SLC24A2: variants seen among roughly 807,000 people sequenced by gnomAD.
The protein encoded by SLC24A2 is solute carrier family 24 member 2.
A neutral mutation model predicts 62.0 loss-of-function variants in SLC24A2; 36 were observed. The ratio of observed to expected loss-of-function variants is 0.58; its 90% CI spans 0.44 to 0.77. The LOEUF (loss-of-function observed/expected upper bound fraction) is 0.77, where lower values mean the gene tolerates loss of function less well. Ranked by LOEUF, SLC24A2 falls within the 30% of genes least tolerant of loss-of-function variation. The pLI, the probability that SLC24A2 is intolerant of heterozygous loss-of-function variation, is 0.00. For missense variants in SLC24A2, 846 were observed against 817.9 expected, an observed-to-expected ratio of 1.03 and a Z score of -0.42; for synonymous variants, 358 against 294.0, an observed-to-expected ratio of 1.22 and a Z score of -2.23.
chr9:19,572,744 T>C (rs1230006219), intron 7 of SLC24A2, among the ~76,000 whole-genome samples: 8 of 152,200 alleles, frequency 5.3e-5, no homozygotes, highest in Non-Finnish European at 2.9e-5. Context: ...TGGCAAATAG[T>C]AGGTGTTTGA....
chr9:20,068,050 T>TTTG, the SLC24A2 span, among the ~76,000 whole-genome samples: 1 of 150,740 alleles, frequency 6.6e-6, no homozygotes, highest in South Asian at 2.1e-4. Flanking sequence ...TCTGTTATTT[T>TTTG]TTGACTCTTT....
At chr9:20,288,862 G>A in the SLC24A2 span, among the ~76,000 whole-genome samples, 2 of 152,042 alleles carry the variant, frequency 1.3e-5, no homozygotes, top group African/African-American at 4.8e-5. Flanking sequence ...GTACAGTTCA[G>A]CTGCCATGTT....
chr9:19,757,119 T>C (rs1822167160), intron 2 of SLC24A2, among the ~76,000 whole-genome samples: 1 of 151,854 alleles, frequency 6.6e-6, no homozygotes, highest in African/African-American at 2.4e-5. Flanking sequence ...AATTCTGGAG[T>C]CAATTCATTC....
the SLC24A2 span, among the ~76,000 whole-genome samples, chr9:20,071,315 T>C: frequency 0.018 from 2,791 of 152,288 alleles, 80 homozygotes; most frequent in African/African-American, 0.064. Flanking sequence ...ATATTGGAGT[T>C]CCATTCATTA....
the SLC24A2 span, among the ~76,000 whole-genome samples, chr9:20,194,714 T>A: frequency 6.6e-6 from 1 of 152,160 alleles, no homozygotes; most frequent in African/African-American, 2.4e-5. Context: ...CACAGTATTT[T>A]TTTTCACATC....
chr9:19,835,052 C>A, the SLC24A2 span, among the ~76,000 whole-genome samples: 1 of 152,070 alleles, frequency 6.6e-6, no homozygotes, highest in Admixed American at 6.5e-5. Context: ...ACCAGGCCTG[C>A]CCTAAAAGAG....
At chr9:19,707,652 A>G (rs1820573763) in intron 2 of SLC24A2, among the ~76,000 whole-genome samples, 1 of 152,212 alleles carries the variant, frequency 6.6e-6, no homozygotes, top group Admixed American at 6.5e-5. Context: ...AAAGACAAAA[A>G]CCACATGATT....
the SLC24A2 span, among the ~76,000 whole-genome samples, chr9:20,263,068 G>A: frequency 6.6e-6 from 1 of 152,152 alleles, no homozygotes; most frequent in East Asian, 1.9e-4. Context: ...CAATCCACTG[G>A]AGCCTGCACC....
the SLC24A2 span, among the ~76,000 whole-genome samples, chr9:20,129,808 T>A: frequency 6.6e-6 from 1 of 151,766 alleles, no homozygotes. Context: ...GCTTGAAGAG[T>A]GAAAGGCTTC....
At chr9:20,292,527 G>A in the SLC24A2 span, among the ~76,000 whole-genome samples, 1,119 of 152,266 alleles carry the variant, frequency 7.3e-3, 12 homozygotes, top group African/African-American at 0.025. Flanking sequence ...CTGTATTGAC[G>A]TGCTGGGGCT....
chr9:19,535,265 T>C (rs571921839), intron 8 of SLC24A2, among the ~76,000 whole-genome samples: 3 of 152,298 alleles, frequency 2.0e-5, no homozygotes, highest in Admixed American at 1.3e-4. Flanking sequence ...GTTTGTCAGA[T>C]GGATAGATTG....
At chr9:20,143,363 A>G in the SLC24A2 span, among the ~76,000 whole-genome samples, 1 of 152,190 alleles carries the variant, frequency 6.6e-6, no homozygotes, top group African/African-American at 2.4e-5. Context: ...CAAAGAAACA[A>G]AAAGTAATAT....
the SLC24A2 span, among the ~76,000 whole-genome samples, chr9:20,266,360 A>G: frequency 0.14 from 20,794 of 152,122 alleles, 1,680 homozygotes; most frequent in African/African-American, 0.21. Context: ...TGCTTAGTGA[A>G]AATAGAAAAG....
the SLC24A2 span, among the ~76,000 whole-genome samples, chr9:20,168,310 C>A: frequency 0.25 from 37,461 of 151,588 alleles, 5,933 homozygotes; most frequent in African/African-American, 0.46. Context: ...TTATTTCAAA[C>A]TAAAAAGCTT....
At chr9:19,541,499 C>A (rs1237661139) in intron 8 of SLC24A2, among the ~76,000 whole-genome samples, 1 of 148,322 alleles carries the variant, frequency 6.7e-6, no homozygotes, top group African/African-American at 2.5e-5. Context: ...CTGGGGGGTG[C>A]CTCCCAGTTA....
At chr9:19,775,570 T>C (rs1822821458) in intron 2 of SLC24A2, among the ~76,000 whole-genome samples, 1 of 151,518 alleles carries the variant, frequency 6.6e-6, no homozygotes, top group Admixed American at 6.6e-5. Context: ...TAGGTCTAAA[T>C]GGCTGAAAGA....
intron 2 of SLC24A2, among the ~76,000 whole-genome samples, chr9:19,742,762 T>C (rs563874093): frequency 6.6e-6 from 1 of 152,144 alleles, no homozygotes; most frequent in South Asian, 2.1e-4. Flanking sequence ...ATCAATGAAC[T>C]ATCCCCTACC....
At chr9:19,836,607 G>C in the SLC24A2 span, among the ~76,000 whole-genome samples, 2 of 152,090 alleles carry the variant, frequency 1.3e-5, no homozygotes, top group Non-Finnish European at 2.9e-5. Context: ...ACCAAAAAAA[G>C]TCCAGGACCA....
intron 2 of SLC24A2, among the ~76,000 whole-genome samples, chr9:19,654,976 C>T (rs781736677): frequency 3.3e-5 from 5 of 152,220 alleles, no homozygotes; most frequent in African/African-American, 4.8e-5. Flanking sequence ...ACTTTCCTTA[C>T]AAATACTCAT....
Sources: allele counts gnomAD v4.1 joint callset (sites outside exome capture counted in the v4.1 genomes callset), GRCh38; gene constraint gnomAD v4.1.1; transcripts MANE v1.5; gene names NCBI Gene and HGNC (gene_info 2026-07-23, HGNC 2026-07-21).